The following EXOC8 variants were observed in gnomAD, a reference collection of about 807,000 sequenced individuals.
EXOC8 encodes the protein exocyst complex component 8, also known as exocyst complex 84 kDa subunit.
EXOC8 carries 19 observed loss-of-function variants against 50.8 expected under a neutral mutation model. The observed-to-expected ratio is 0.37, with a 90% confidence interval of 0.26 to 0.55. EXOC8 has a LOEUF of 0.55. Ranked by LOEUF, EXOC8 falls within the 20% of genes least tolerant of loss-of-function variation. The pLI is 0.80. For synonymous variants in EXOC8, 384 were observed against 367.9 expected (o/e 1.04, Z -0.50); for missense variants, 781 against 915.8 (o/e 0.85, Z 1.90).
In EXOC8 at chr1:231,337,849, G is replaced by C; in HGVS notation, c.-104C>G. The C allele has an allele frequency of 1.4e-6, 2 of 1,421,436 alleles. No individual in the cohort carries two copies. The highest frequency in any genetic ancestry group is 1.9e-6 in the Non-Finnish European group (2 of 1,058,660). The allele number at this position is 1,421,436 out of a possible 1,614,324, so 88.1% of individuals were successfully genotyped here. Reference sequence around the variant, plus strand: ...CCGAGCTCCTGGGCTGAGGAAGCAGGAATGGGAACGAGACGAGTACGCCTG... The same window carrying C: ...CCGAGCTCCTGGGCTGAGGAAGCAGCAATGGGAACGAGACGAGTACGCCTG... On this transcript the variant is annotated 5_prime_UTR_variant, in exon 1 of 1. Coordinates refer to ENST00000366645, the MANE Select transcript of EXOC8 (RefSeq NM_175876.5). This position sits in a 1 kb window ranked among gnomAD's most constrained non-coding sequence, Gnocchi z 5.9.
Position 231,337,345 on chromosome 1 carries a change from C to A in EXOC8, c.401G>T (p.Arg134Leu). ...GGTGGAGAAAAAGCCGGCCTGGCCTCGGAGGTGGTCTCGGCCCCCCGCCCC... is the reference window on the plus strand; with the variant it reads ...GGTGGAGAAAAAGCCGGCCTGGCCTAGGAGGTGGTCTCGGCCCCCCGCCCC... ...VGGAGGRDHLRGQAGFFSTPG... is the reference protein window; with the variant it reads ...VGGAGGRDHLLGQAGFFSTPG... Residue 134 changes from arginine (R) to leucine (L), a missense_variant, in exon 1 of 1, where the codon CGA becomes CTA. By Grantham distance (102) the Arg-to-Leu change is moderately radical (BLOSUM62 -2). Coordinates refer to ENST00000366645, the MANE Select transcript of EXOC8 (RefSeq NM_175876.5). This position sits in a 1 kb window ranked among gnomAD's most constrained non-coding sequence, Gnocchi z 5.9. The A allele has an allele frequency of 6.2e-7, 1 of 1,602,214 alleles. No homozygotes were observed.
Position 231,337,016 on chromosome 1 carries a change from T to G in EXOC8, c.730A>C (p.Asn244His). 1 of 1,614,130 alleles carries G rather than the reference T, an allele frequency of 6.2e-7. No individual in the cohort carries two copies. The highest frequency in any genetic ancestry group is 1.1e-5 in the South Asian group (1 of 91,088). The change falls in exon 1 of 1, where the codon AAC (asparagine) becomes CAC (histidine). Residue 244 changes from asparagine to histidine, a missense_variant. By Grantham distance (68) the Asn-to-His change is moderately conservative (BLOSUM62 1). Transcript: ENST00000366645. This position sits in a 1 kb window ranked among gnomAD's most constrained non-coding sequence, Gnocchi z 5.9. ...DGLAVVNVKD[N>H]PPMKDMFKLL... ...TTGAACATGTCCTTCATGGGCGGGT[T>G]GTCCTTGACATTGACTACGGCCAAA... is the stretch of plus-strand genomic sequence containing the variant.
rs1686658211 is a variant in EXOC8, at chr1:231,335,805, C to T, written c.1941G>A (p.Leu647=). The stretch of plus-strand genomic sequence containing the variant: ...GAACAGCAACCAAAATGATTTCCAC[C>T]AGGCTCTCCAAAAGTACCATGTGCA... The part of the protein sequence containing the change: ...PELHMVLLES[L]VEIILVAVQH... The change falls in exon 1 of 1, where the codon CTG becomes CTA. Residue 647 remains leucine (L), a synonymous_variant. Coordinates refer to ENST00000366645, the MANE Select transcript of EXOC8 (RefSeq NM_175876.5). The T allele has an allele frequency of 1.2e-6, 2 of 1,614,188 alleles. No individual in the cohort carries two copies. The highest frequency in any genetic ancestry group is 1.7e-6 in the Non-Finnish European group (2 of 1,180,040).
In EXOC8 at chr1:231,337,413, G is replaced by T; in HGVS notation, c.333C>A (p.Ala111=). The T allele has an allele frequency of 6.2e-7, 1 of 1,605,906 alleles. No individual in the cohort carries two copies. Among genetic ancestry groups the T allele is most frequent in the Non-Finnish European group, 8.5e-7 (1 of 1,179,574 alleles). Residue 111 remains alanine, a synonymous_variant, in exon 1 of 1, where the codon GCC becomes GCA. Coordinates refer to ENST00000366645, the MANE Select transcript of EXOC8 (RefSeq NM_175876.5). This position sits in a 1 kb window ranked among gnomAD's most constrained non-coding sequence, Gnocchi z 5.9. Reference sequence around the variant, plus strand: ...CTCCAGAGGCGGCGGCGGCTCCGGCGGCAGCAGCGGCAGGCAGCAACGTAA... The same window carrying T: ...CTCCAGAGGCGGCGGCGGCTCCGGCTGCAGCAGCGGCAGGCAGCAACGTAA... The part of the protein sequence containing the change: ...IPLTLLPAAA[A]AGAAAASGGE...
In EXOC8 at chr1:231,336,140, C is replaced by T; in HGVS notation, c.1606G>A (p.Gly536Arg). 6.2e-7 allele frequency: 1 copy of T among 1,614,126 alleles called. No individual in the cohort carries two copies. The highest frequency in any genetic ancestry group is 1.1e-5 in the South Asian group (1 of 91,080). Residue 536 changes from glycine to arginine, a missense_variant, in exon 1 of 1, where the codon GGA becomes AGA. Around this residue, in one of 3 missense-constraint regions of EXOC8, gnomAD observed 700 missense variants for 804.1 expected, o/e 0.87. Coordinates refer to ENST00000366645, the MANE Select transcript of EXOC8 (RefSeq NM_175876.5). This position sits in a 1 kb window ranked among gnomAD's most constrained non-coding sequence, Gnocchi z 5.4. ...TGGATGATGAAGGTGAGATCCAGTC[C>T]GATATCACCCAGTTGCTGGCAATGC... ...KEHCQQLGDI[G>R]LDLTFIIHAL...
chr1:231,335,641 T>G lies in EXOC8; in HGVS notation c.2105A>C (p.Lys702Thr). Residue 702 changes from lysine to threonine, a missense_variant, in exon 1 of 1, where the codon AAG becomes ACG. Lys to Thr is a moderately conservative substitution (Grantham distance 78, BLOSUM62 -1). This residue lies in a region of EXOC8 where 79 missense variants were observed against 95.3 expected (regional missense o/e 0.83). Coordinates refer to ENST00000366645, the MANE Select transcript of EXOC8 (RefSeq NM_175876.5). ...TGCATTCCTCAGATCTTGGAGTTGC[T>G]TGGCAGGTTTCCCCACACCTTCTTC... ...RFEEGVGKPA[K>T]QLQDLRNASR... The G allele has an allele frequency of 6.2e-7, 1 of 1,614,188 alleles. No homozygotes were observed. The highest frequency in any genetic ancestry group is 1.3e-5 in the African/African-American group (1 of 75,060).
At position 231,335,522 on chromosome 1, in the gene EXOC8, AT is replaced by A. The variant is rs35468792; in HGVS notation, c.*45del. 0.21 allele frequency: 307,059 copies of A among 1,429,290 alleles called. 34,369 individuals are homozygous for A. The highest frequency in any genetic ancestry group is 0.32 in the Admixed American group (12,372 of 38,888). 88.5% of individuals were successfully genotyped at this position (1,429,290 alleles called of 1,614,324 possible). A position where few individuals can be genotyped will look rare whatever the true frequency, so the allele number is the denominator to read the frequency against. ...AACTTAATATAAATATAAATAATAT[AT>A]AAGCTCTCTCTCTGCATATATACAC... On this transcript the variant is annotated 3_prime_UTR_variant, in exon 1 of 1. Coordinates refer to ENST00000366645, the MANE Select transcript of EXOC8 (RefSeq NM_175876.5).
chr1:231,337,530 C>T lies in EXOC8; in HGVS notation c.216G>A (p.Glu72=). The change falls in exon 1 of 1, where the codon GAG becomes GAA. Residue 72 remains glutamate (E), a synonymous_variant. Coordinates refer to ENST00000366645, the MANE Select transcript of EXOC8 (RefSeq NM_175876.5). This position sits in a 1 kb window ranked among gnomAD's most constrained non-coding sequence, Gnocchi z 5.9. The part of the protein sequence containing the change: ...NVYQNYRQFI[E]TAREISYLES... ...CCAGGTAGGAGATCTCGCGGGCCGT[C>T]TCTATGAACTGCCGGTAGTTCTGGT... 4 of 1,613,496 alleles carry T rather than the reference C, an allele frequency of 2.5e-6. No individual in the cohort carries two copies. The highest frequency in any genetic ancestry group is 3.4e-6 in the Non-Finnish European group (4 of 1,179,956).
Position 231,337,403 on chromosome 1 carries a change from C to T in EXOC8, c.343G>A (p.Ala115Thr). Reference sequence around the variant, plus strand: ...CCCTCCTCCCCTCCAGAGGCGGCGGCGGCTCCGGCGGCAGCAGCGGCAGGC... The same window carrying T: ...CCCTCCTCCCCTCCAGAGGCGGCGGTGGCTCCGGCGGCAGCAGCGGCAGGC... ...LLPAAAAAGA[A>T]AASGGEEGVG... Residue 115 changes from alanine to threonine, a missense_variant, in exon 1 of 1, where the codon GCC (alanine) becomes ACC (threonine). Ala to Thr is a moderately conservative substitution (Grantham distance 58). Around this residue, in one of 3 missense-constraint regions of EXOC8, gnomAD observed 700 missense variants for 804.1 expected, o/e 0.87. Transcript: ENST00000366645. This position sits in a 1 kb window ranked among gnomAD's most constrained non-coding sequence, Gnocchi z 5.9. The T allele has an allele frequency of 6.2e-7, 1 of 1,604,130 alleles. No homozygotes were observed.
Position 231,333,793 on chromosome 1 carries a change from G to T in EXOC8, c.*1775C>A, listed in dbSNP as rs147946826. ...ATGCACAGCTAAAGAGAAAATAAAG[G>T]GGTTGATCTGGCACATGAATAATTA... On this transcript the variant is annotated 3_prime_UTR_variant, in exon 1 of 1. Coordinates refer to ENST00000366645, the MANE Select transcript of EXOC8 (RefSeq NM_175876.5). 1 of 152,408 alleles carries T rather than the reference G, an allele frequency of 6.6e-6. No homozygotes were observed. Among genetic ancestry groups the T allele is most frequent in the African/African-American group, 2.4e-5 (1 of 41,428 alleles). The allele number at this position is 152,408 out of a possible 1,614,324, so 9.4% of individuals were successfully genotyped here.
chr1:231,336,587 C>T lies in EXOC8; in HGVS notation c.1159G>A (p.Val387Ile), dbSNP rs1331773185. 4 of 1,614,170 alleles carry T rather than the reference C, an allele frequency of 2.5e-6. No homozygotes were observed. In the South Asian group the frequency reaches 4.4e-5, roughly 18 times the overall value. ...KELRAKVEER[V>I]RQLTEVLVFE... ...ACTAGCACCTCAGTGAGCTGTCGAA[C>T]TCGCTCCTCCACTTTGGCCCTTAGT... Residue 387 changes from valine (V) to isoleucine (I), a missense_variant, in exon 1 of 1, where the codon GTT (valine) becomes ATT (isoleucine). This residue lies in a region of EXOC8 where 700 missense variants were observed against 804.1 expected (regional missense o/e 0.87). Transcript: ENST00000366645. This position sits in a 1 kb window ranked among gnomAD's most constrained non-coding sequence, Gnocchi z 5.4.
At position 231,332,852 on chromosome 1, in the gene EXOC8, T is replaced by C. The variant is rs1462874827; in HGVS notation, c.*2716A>G. ...AGCAGTATGTACATAGACTGACTTT[T>C]ATAGTACATGTCATGTCCCAAATTC... is the stretch of plus-strand genomic sequence containing the variant. On this transcript the variant is annotated 3_prime_UTR_variant, in exon 1 of 1. Transcript: ENST00000366645. The C allele has an allele frequency of 1.3e-5, 2 of 152,232 alleles. No individual in the cohort carries two copies. Among genetic ancestry groups the C allele is most frequent in the African/African-American group, 4.8e-5 (2 of 41,466 alleles). The allele number at this position is 152,232 out of a possible 1,614,324, so 9.4% of individuals were successfully genotyped here. A position where few individuals can be genotyped will look rare whatever the true frequency, so the allele number is the denominator to read the frequency against.
In EXOC8 at chr1:231,337,253, G is replaced by A; in HGVS notation, c.493C>T (p.Leu165=). ...EEGKQRTLTT[L]LEKVEGCRHL... ...CTGCAGCCTTCCACCTTCTCAAGCA[G>A]GGTGGTGAGAGTGCGCTGCTTTCCT... The change falls in exon 1 of 1, where the codon CTG becomes TTG. Residue 165 remains leucine, a synonymous_variant. Transcript: ENST00000366645. The surrounding 1 kb of genome is among the most constrained non-coding windows in gnomAD (Gnocchi z 5.9). 1 of 1,611,480 alleles carries A rather than the reference G, an allele frequency of 6.2e-7. No homozygotes were observed. The highest frequency in any genetic ancestry group is 8.5e-7 in the Non-Finnish European group (1 of 1,180,018).
chr1:231,336,604 G>A lies in EXOC8; in HGVS notation c.1142C>T (p.Ala381Val). Reference protein sequence around the residue: ...PSPPPVKELRAKVEERVRQLT... With the variant: ...PSPPPVKELRVKVEERVRQLT... ...CTGTCGAACTCGCTCCTCCACTTTGGCCCTTAGTTCTTTTACAGGAGGTGG... is the reference window on the plus strand; with the variant it reads ...CTGTCGAACTCGCTCCTCCACTTTGACCCTTAGTTCTTTTACAGGAGGTGG... The change falls in exon 1 of 1, where the codon GCC becomes GTC. Residue 381 changes from alanine (A) to valine (V), a missense_variant. Coordinates refer to ENST00000366645, the MANE Select transcript of EXOC8 (RefSeq NM_175876.5). The surrounding 1 kb of genome is among the most constrained non-coding windows in gnomAD (Gnocchi z 5.4). The A allele has an allele frequency of 3.1e-6, 5 of 1,614,120 alleles. No individual in the cohort carries two copies. The African/African-American group carries it at 6.7e-5, about 22-fold the overall frequency.
chr1:231,336,225 C>T lies in EXOC8; in HGVS notation c.1521G>A (p.Gln507=), dbSNP rs1216077050. The change falls in exon 1 of 1, where the codon CAG becomes CAA. Residue 507 remains glutamine (Q), a synonymous_variant. Coordinates refer to ENST00000366645, the MANE Select transcript of EXOC8 (RefSeq NM_175876.5). This position sits in a 1 kb window ranked among gnomAD's most constrained non-coding sequence, Gnocchi z 5.4. The part of the protein sequence containing the change: ...MGMFVDAFSK[Q]VFDSKESLST... ...AGAGGCTCTCCTTACTATCAAACAC[C>T]TGCTTGCTAAAAGCATCCACGAACA... 1 of 1,614,090 alleles carries T rather than the reference C, an allele frequency of 6.2e-7. No individual in the cohort carries two copies. The highest frequency in any genetic ancestry group is 1.7e-5 in the Admixed American group (1 of 60,032).
Position 231,337,707 on chromosome 1 carries a change from C to G in EXOC8, c.39G>C (p.Leu13=). 1 of 1,602,084 alleles carries G rather than the reference C, an allele frequency of 6.2e-7. No individual in the cohort carries two copies. Among genetic ancestry groups the G allele is most frequent in the South Asian group, 1.1e-5 (1 of 89,258 alleles). The change falls in exon 1 of 1, where the codon CTG becomes CTC. Residue 13 remains leucine, a synonymous_variant. Coordinates refer to ENST00000366645, the MANE Select transcript of EXOC8 (RefSeq NM_175876.5). This position sits in a 1 kb window ranked among gnomAD's most constrained non-coding sequence, Gnocchi z 5.9. ...MAMSDSGASR[L]RRQLESGGFE... ...AACCCCCTGACTCCAGCTGCCGACG[C>G]AGGCGGCTCGCCCCACTGTCCGACA...
At position 231,336,123 on chromosome 1, in the gene EXOC8, G is replaced by A. The variant is rs963842863; in HGVS notation, c.1623C>T (p.Phe541=). ...CTTTCACCAGAAGGGCATGGATGATGAAGGTGAGATCCAGTCCGATATCAC... is the reference window on the plus strand; with the variant it reads ...CTTTCACCAGAAGGGCATGGATGATAAAGGTGAGATCCAGTCCGATATCAC... The part of the protein sequence containing the change: ...QLGDIGLDLT[F]IIHALLVKDI... Residue 541 remains phenylalanine, a synonymous_variant, in exon 1 of 1, where the codon TTC becomes TTT. Coordinates refer to ENST00000366645, the MANE Select transcript of EXOC8 (RefSeq NM_175876.5). The surrounding 1 kb of genome is among the most constrained non-coding windows in gnomAD (Gnocchi z 5.4). The A allele has an allele frequency of 3.1e-6, 5 of 1,614,110 alleles. No homozygotes were observed. The highest frequency in any genetic ancestry group is 2.2e-5 in the East Asian group (1 of 44,900).
Position 231,335,468 on chromosome 1 carries a change from G to C in EXOC8, c.*100C>G. On this transcript the variant is annotated 3_prime_UTR_variant, in exon 1 of 1. Coordinates refer to ENST00000366645, the MANE Select transcript of EXOC8 (RefSeq NM_175876.5). ...AGAGGGCACTTTTAATTTTCAAGTT[G>C]TGTTTGAAACTATAGAGTATGCTAA... 9.0e-7 allele frequency: 1 copy of C among 1,108,020 alleles called. No individual in the cohort carries two copies. Among genetic ancestry groups the C allele is most frequent in the Non-Finnish European group, 1.2e-6 (1 of 854,418 alleles). 68.6% of individuals were successfully genotyped at this position (1,108,020 alleles called of 1,614,324 possible).
rs1686618696 is a variant in EXOC8 at position 231,334,186 on chromosome 1, G to A, written c.*1382C>T. On this transcript the variant is annotated 3_prime_UTR_variant, in exon 1 of 1. Transcript: ENST00000366645. ...AAAAAATGAAACAAAAATGCAGCAT[G>A]GAACATTTTAGGAGTCACAGAAGGT... is the stretch of plus-strand genomic sequence containing the variant. 6.6e-6 allele frequency: 1 copy of A among 152,196 alleles called. No individual in the cohort carries two copies. The highest frequency in any genetic ancestry group is 1.5e-5 in the Non-Finnish European group (1 of 68,022). The allele number at this position is 152,196 out of a possible 1,614,324, so 9.4% of individuals were successfully genotyped here. A position where few individuals can be genotyped will look rare whatever the true frequency, so the allele number is the denominator to read the frequency against.
Sources: gnomAD v4.1 joint callset for allele counts on GRCh38, gnomAD v4.1.1 for gene constraint, gnomAD v4.1.1 regional missense constraint, Gnocchi (gnomAD v3.1) non-coding constraint, MANE v1.5 for transcripts, NCBI Gene and HGNC (gene_info 2026-07-23, HGNC 2026-07-21) for gene names.